The following PMM2 variants were observed in gnomAD, a reference collection of about 807,000 sequenced individuals.
PMM2 encodes the protein phosphomannomutase 2.
Under a neutral mutation model 33.2 loss-of-function variants are expected in PMM2, and 35 were observed. The observed-to-expected ratio is 1.06, with a 90% confidence interval of 0.81 to 1.40. PMM2 has a LOEUF of 1.40. PMM2 is among the 40% of genes most tolerant of loss of function. The probability of loss-of-function intolerance (pLI) is 0.00; values close to 1 mark genes in which losing one functional copy is unlikely to be tolerated. For missense variants in PMM2, 386 were observed against 306.0 expected, an observed-to-expected ratio of 1.26 and a Z score of -1.95; for synonymous variants, 153 against 114.7, an observed-to-expected ratio of 1.33 and a Z score of -2.13.
intron 7 of PMM2, among the ~76,000 whole-genome samples, chr16:8,833,541 G>A (rs867652557): frequency 3.3e-5 from 5 of 151,706 alleles, no homozygotes; most frequent in African/African-American, 9.7e-5. Context: ...TTTTTAGGGG[G>A]TGGTATGGAG....
Position 8,806,362 on chromosome 16 carries a change from A to G in PMM2, c.302A>G (p.Asn101Ser). The G allele has an allele frequency of 6.2e-7, 1 of 1,613,552 alleles. No individual in the cohort carries two copies. The highest frequency in any genetic ancestry group is 8.5e-7 in the Non-Finnish European group (1 of 1,179,418). The change falls in exon 4 of 8, where the codon AAC becomes AGC. Residue 101 changes from asparagine (N) to serine (S), a missense_variant. By Grantham distance (46) the Asn-to-Ser change is conservative. Transcript: ENST00000268261. ...GAGGCCCTAATCCAAGATTTAATCA[A>G]CTACTGTCTGAGCTACATTGCGAAA... ...LGEALIQDLI[N>S]YCLSYIAKIK... is the part of the protein sequence containing the mutation.
intron 7 of PMM2, among the ~76,000 whole-genome samples, chr16:8,819,939 G>A (rs763512356): frequency 2.6e-5 from 4 of 152,132 alleles, no homozygotes; most frequent in Admixed American, 6.5e-5. Context: ...CTCCTACATC[G>A]CTTCTAACAT....
Position 8,847,928 on chromosome 16 carries a change from A to G in PMM2, c.*103A>G. ...ACACGTGCTCACCCACCCGCAGCCT[A>G]GGCAGGCTCTGCATGCTATGCCAGG... is the stretch of plus-strand genomic sequence containing the variant. On this transcript the variant is annotated 3_prime_UTR_variant, in exon 8 of 8. Transcript: ENST00000268261. 1.2e-6 allele frequency: 1 copy of G among 822,380 alleles called. No homozygotes were observed. The highest frequency in any genetic ancestry group is 1.4e-5 in the South Asian group (1 of 71,044). 50.9% of individuals were successfully genotyped at this position (822,380 alleles called of 1,614,324 possible). A position where few individuals can be genotyped will look rare whatever the true frequency, so the allele number is the denominator to read the frequency against.
At chr16:8,841,861 G>GT (rs1232759151) in intron 7 of PMM2, among the ~76,000 whole-genome samples, 1 of 126,616 alleles carries the variant, frequency 7.9e-6, no homozygotes, top group Non-Finnish European at 1.7e-5. Context: ...CAAAGAGTGA[G>GT]TACAGCTGAA....
chr16:8,802,642 G>A (rs999391590), intron 2 of PMM2, among the ~76,000 whole-genome samples: 16 of 151,878 alleles, frequency 1.1e-4, no homozygotes, highest in Admixed American at 3.3e-4. Flanking sequence ...CAGCCTGGCC[G>A]ACATGATCAA....
intron 7 of PMM2, among the ~76,000 whole-genome samples, chr16:8,836,165 G>A (rs1288495102): frequency 7.3e-6 from 1 of 137,772 alleles, no homozygotes; most frequent in Non-Finnish European, 1.6e-5. Flanking sequence ...ATGTGGAGTG[G>A]GTAGCCTCCG....
intron 7 of PMM2, among the ~76,000 whole-genome samples, chr16:8,813,358 C>T (rs1034876049): frequency 3.3e-5 from 5 of 152,184 alleles, no homozygotes; most frequent in African/African-American, 1.2e-4. Context: ...TGGAATTAAA[C>T]GTTGGCCACC....
intron 7 of PMM2, among the ~76,000 whole-genome samples, chr16:8,818,980 A>G (rs1056149251): frequency 3.3e-5 from 5 of 152,250 alleles, no homozygotes; most frequent in Non-Finnish European, 5.9e-5. Context: ...TTCGCAGGCA[A>G]GAGAACCTGT....
At chr16:8,806,288 A>T (rs968047719) in intron 3 of PMM2, 28 bp from the exon 4 acceptor site, 1 of 1,431,668 alleles carries the variant, frequency 7.0e-7, no homozygotes, top group African/African-American at 1.4e-5. Flanking sequence ...CTGCTAAATC[A>T]AGTAACTCAA....
chr16:8,807,844 T>C (rs886674601), intron 4 of PMM2: 12 of 152,274 alleles, frequency 7.9e-5, no homozygotes, highest in Admixed American at 3.3e-4. Context: ...GGTACAATTA[T>C]CTCAGTTCCA....
chr16:8,832,883 T>A, intron 7 of PMM2: 3 of 985,382 alleles, frequency 3.0e-6, no homozygotes, highest in Non-Finnish European at 3.6e-6. Context: ...GATGCCAGGG[T>A]TCCCTCACCC....
chr16:8,808,461 G>A (rs1337817175), intron 4 of PMM2: 1 of 152,066 alleles, frequency 6.6e-6, no homozygotes, highest in African/African-American at 2.4e-5. Flanking sequence ...CAGAACAGTA[G>A]AAGAGACCTG....
chr16:8,806,676 C>T (rs1297804540), intron 4 of PMM2: 1 of 509,106 alleles, frequency 2.0e-6, no homozygotes, highest in Non-Finnish European at 3.6e-6. Context: ...AAATCCGAAT[C>T]CCAGCACTTA....
Position 8,801,836 on chromosome 16 carries a change from T to A in PMM2, c.104T>A (p.Leu35Ter), listed in dbSNP as rs1555448899. The change falls in exon 2 of 8, where the codon TTG (leucine) becomes TAG (stop). Residue 35 changes from leucine to a stop codon, truncating the protein, a stop_gained. Coordinates refer to ENST00000268261, the MANE Select transcript of PMM2 (RefSeq NM_000303.3). LOFTEE classifies it high-confidence loss of function. Reference sequence around the variant, plus strand: ...GAAATGGATGACTTCCTACAAAAATTGAGGCAGAAGATCAAAATCGGAGTG... The same window carrying A: ...GAAATGGATGACTTCCTACAAAAATAGAGGCAGAAGATCAAAATCGGAGTG... The part of the protein sequence containing the change: ...TKEMDDFLQK[L>*]RQKIKIGVVG... The A allele has an allele frequency of 1.9e-6, 3 of 1,611,952 alleles. No individual in the cohort carries two copies. In the Admixed American group the frequency reaches 5.0e-5, roughly 27 times the overall value.
chr16:8,831,379 C>G (rs150530834), intron 7 of PMM2, among the ~76,000 whole-genome samples: 3 of 151,820 alleles, frequency 2.0e-5, no homozygotes, highest in African/African-American at 7.3e-5. Context: ...ACATCCATAG[C>G]AAGAATCGAC....
intron 1 of PMM2, among the ~76,000 whole-genome samples, chr16:8,798,689 G>T (rs946008318): frequency 1.3e-5 from 2 of 152,152 alleles, no homozygotes; most frequent in African/African-American, 4.8e-5. Flanking sequence ...AGATTTTGCT[G>T]CTACAGGCAC....
At chr16:8,822,675 G>A (rs933464230) in intron 7 of PMM2, among the ~76,000 whole-genome samples, 2 of 152,118 alleles carry the variant, frequency 1.3e-5, no homozygotes, top group Non-Finnish European at 2.9e-5. Flanking sequence ...TCATACTGTG[G>A]GATATGAAGA....
At chr16:8,835,874 T>G (rs182353210) in intron 7 of PMM2, among the ~76,000 whole-genome samples, 4,073 of 151,648 alleles carry the variant, frequency 0.027, 182 homozygotes, top group African/African-American at 0.091. Context: ...GGGTTAAGGT[T>G]GGGGGATACA....
At chr16:8,821,597 TCA>T (rs1258805827) in intron 7 of PMM2, among the ~76,000 whole-genome samples, 1 of 152,180 alleles carries the variant, frequency 6.6e-6, no homozygotes, top group Non-Finnish European at 1.5e-5. Flanking sequence ...CCCAGATCCG[TCA>T]CAGAGCTGTC....
Sources: allele counts gnomAD v4.1 joint callset (sites outside exome capture counted in the v4.1 genomes callset), GRCh38; gene constraint gnomAD v4.1.1; transcripts MANE v1.5; gene names NCBI Gene and HGNC (gene_info 2026-07-23, HGNC 2026-07-21).